The following CDC14A variants were observed in gnomAD, a reference collection of about 807,000 sequenced individuals.
CDC14A encodes the protein dual specificity protein phosphatase CDC14A.
In CDC14A, 53 loss-of-function variants were observed where a neutral mutation model predicts 74.4. That is an observed-to-expected ratio of 0.71 (90% CI 0.57 to 0.89). The LOEUF (loss-of-function observed/expected upper bound fraction) is 0.89, where lower values mean the gene tolerates loss of function less well. Ranked by LOEUF, CDC14A falls within the 40% of genes least tolerant of loss-of-function variation. The pLI, the probability that CDC14A is intolerant of heterozygous loss-of-function variation, is 0.00. For missense variants in CDC14A, 646 were observed against 713.7 expected (o/e 0.91, Z 1.08); for synonymous variants, 247 against 258.4 (o/e 0.96, Z 0.43).
rs191273151 is a variant in CDC14A at position 100,507,325 on chromosome 1, T to G, written c.1755+8063T>G. On this transcript the variant is annotated intron_variant, in intron 15 of 15. Transcript: ENST00000336454. ...AATAAGACCAAATATTATAAGATTT[T>G]TCCTCTTTTTCCTGAAATTCTGTAG... 3.2e-4 allele frequency among the ~76,000 whole-genome samples: 48 copies of G among 152,348 alleles called. No homozygotes were observed. The East Asian group carries it at 8.3e-3, about 26-fold the overall frequency.
chr1:100,418,160 T>C (rs1661769802), intron 4 of CDC14A, among the ~76,000 whole-genome samples: 1 of 152,088 alleles, frequency 6.6e-6, no homozygotes, highest in Non-Finnish European at 1.5e-5. Context: ...GTACAATGCC[T>C]AGAAGAGTGC....
At chr1:100,468,172 A>G (rs1179345069) in intron 10 of CDC14A, 78 bp downstream of exon 10, 2 of 1,527,308 alleles carry the variant, frequency 1.3e-6, no homozygotes, top group Non-Finnish European at 1.8e-6. Flanking sequence ...GTTGTGGACC[A>G]TGTCAGCCTG....
chr1:100,405,612 G>A (rs1222211914), intron 4 of CDC14A, among the ~76,000 whole-genome samples: 3 of 152,162 alleles, frequency 2.0e-5, no homozygotes, highest in African/African-American at 7.2e-5. Context: ...TCCCACTTAT[G>A]AGTGAGAACA....
intron 4 of CDC14A, among the ~76,000 whole-genome samples, chr1:100,391,542 A>G (rs1657697005): frequency 1.3e-5 from 2 of 152,170 alleles, no homozygotes. Context: ...GATATGTGTG[A>G]TATCAGCTGG....
At chr1:100,360,412 C>T (rs1031474784) in intron 2 of CDC14A, among the ~76,000 whole-genome samples, 7 of 151,140 alleles carry the variant, frequency 4.6e-5, no homozygotes, top group Non-Finnish European at 8.8e-5. Flanking sequence ...GGGGCAATCT[C>T]GGCTCACTGC....
At chr1:100,492,838 T>A (rs1336978717) in intron 11 of CDC14A, among the ~76,000 whole-genome samples, 2 of 80,590 alleles carry the variant, frequency 2.5e-5, no homozygotes, top group African/African-American at 4.0e-5. Context: ...TTCTTAGCCC[T>A]GCTGTGTGTG....
intron 13 of CDC14A, among the ~76,000 whole-genome samples, chr1:100,497,117 T>C (rs1311967645): frequency 6.6e-6 from 1 of 152,168 alleles, no homozygotes; most frequent in Non-Finnish European, 1.5e-5. Context: ...GAGCTATGAT[T>C]TACTATGAGA....
At chr1:100,374,970 A>T (rs886673450) in intron 2 of CDC14A, among the ~76,000 whole-genome samples, 1 of 152,244 alleles carries the variant, frequency 6.6e-6, no homozygotes, top group Non-Finnish European at 1.5e-5. Context: ...AGAGACTTAC[A>T]TTGTAGTTGA....
At chr1:100,498,259 G>A in intron 14 of CDC14A, 52 bp downstream of exon 14, 2 of 1,591,446 alleles carry the variant, frequency 1.3e-6, no homozygotes, top group Non-Finnish European at 1.7e-6. Context: ...AAGGAAGCTT[G>A]CAGCAGGCGA....
intron 13 of CDC14A, among the ~76,000 whole-genome samples, chr1:100,496,621 C>T (rs1647871110): frequency 6.6e-6 from 1 of 152,176 alleles, no homozygotes; most frequent in South Asian, 2.1e-4. Context: ...GGGAAAGAAG[C>T]TCTTCACCTG....
In CDC14A at chr1:100,412,739, TTTATATATATATATTTTATATATATATA is replaced by T. The variant is rs1660993322; in HGVS notation, c.310-11468_310-11441del. Among the ~76,000 whole-genome samples the T allele has an allele frequency of 7.5e-5, 7 of 93,836 alleles. No homozygotes were observed. In the South Asian group the frequency reaches 1.0e-3, roughly 14 times the overall value. 61.6% of individuals were successfully genotyped at this position (93,836 alleles called of 152,430 possible). A position where few individuals can be genotyped will look rare whatever the true frequency, so the allele number is the denominator to read the frequency against. ...ATATATATATTTTATATATATATAT[TTTATATATATATATTTTATATATATATA>T]TTATATATATATATATAGTATGTAT... On this transcript the variant is annotated intron_variant, in intron 4 of 15. Coordinates refer to ENST00000336454, the MANE Select transcript of CDC14A (RefSeq NM_003672.4).
intron 2 of CDC14A, among the ~76,000 whole-genome samples, chr1:100,370,086 C>T (rs1383832560): frequency 6.6e-6 from 1 of 151,786 alleles, no homozygotes; most frequent in Non-Finnish European, 1.5e-5. Flanking sequence ...CGGGCTCAAG[C>T]AATTCTCCTG....
chr1:100,420,072 A>ATATATATATG (rs1662156789), intron 4 of CDC14A, among the ~76,000 whole-genome samples: 1 of 108,054 alleles, frequency 9.3e-6, no homozygotes, highest in African/African-American at 3.7e-5. Flanking sequence ...ACATATATAT[A>ATATATATATG]TATATATATA....
intron 9 of CDC14A, among the ~76,000 whole-genome samples, chr1:100,463,128 C>T (rs751142838): frequency 6.6e-6 from 1 of 152,116 alleles, no homozygotes; most frequent in African/African-American, 2.4e-5. Flanking sequence ...TTTCCAGGCC[C>T]ACGTGCCACA....
intron 4 of CDC14A, among the ~76,000 whole-genome samples, chr1:100,397,648 G>A (rs1054839651): frequency 2.6e-5 from 4 of 152,146 alleles, no homozygotes; most frequent in African/African-American, 9.7e-5. Flanking sequence ...AAGTGTGACT[G>A]TATAGCTTAG....
Position 100,424,301 on chromosome 1 carries a change from G to C in CDC14A, c.389G>C (p.Arg130Thr). Residue 130 changes from arginine (R) to threonine (T), a missense_variant and splice_region_variant, in exon 5 of 16, where the codon AGG becomes ACG. Arg to Thr is a moderately conservative substitution (Grantham distance 71). Transcript: ENST00000336454. ...TCAAACCCCCCCTATCTTCCATTCAGGTATAACTCCTGGTGAGACTTGGGT... is the reference window on the plus strand; with the variant it reads ...TCAAACCCCCCCTATCTTCCATTCACGTATAACTCCTGGTGAGACTTGGGT... ...SGSNPPYLPF[R>T]DASFGNCTYN... The C allele has an allele frequency of 4.3e-6, 7 of 1,610,658 alleles. No individual in the cohort carries two copies. The highest frequency in any genetic ancestry group is 5.9e-6 in the Non-Finnish European group (7 of 1,176,926).
chr1:100,462,342 A>C, intron 8 of CDC14A: 1 of 351,094 alleles, frequency 2.8e-6, no homozygotes, highest in Non-Finnish European at 5.4e-6. Flanking sequence ...ACATTTGATT[A>C]CTTCAAGAAT....
At chr1:100,437,382 A>G (rs1189066482) in intron 5 of CDC14A, among the ~76,000 whole-genome samples, 5 of 152,156 alleles carry the variant, frequency 3.3e-5, no homozygotes, top group African/African-American at 1.2e-4. Flanking sequence ...TCTTTGGGAC[A>G]GATTTTGAGA....
At chr1:100,500,743 C>CAAA (rs67947647) in intron 15 of CDC14A, among the ~76,000 whole-genome samples, 3 of 53,826 alleles carry the variant, frequency 5.6e-5, no homozygotes, top group Non-Finnish European at 9.5e-5. Context: ...GAGCCACTCT[C>CAAA]AAAAAAAAAA....
Sources: allele counts gnomAD v4.1 joint callset (sites outside exome capture counted in the v4.1 genomes callset), GRCh38; gene constraint gnomAD v4.1.1; transcripts MANE v1.5; gene names NCBI Gene and HGNC (gene_info 2026-07-23, HGNC 2026-07-21).